The following GRIP2 variants were observed in gnomAD, a reference collection of about 807,000 sequenced individuals.
GRIP2 encodes the protein glutamate receptor-interacting protein 2.
A neutral mutation model predicts 108.3 loss-of-function variants in GRIP2; 58 were observed. The ratio of observed to expected loss-of-function variants is 0.54; its 90% CI spans 0.43 to 0.67. The LOEUF (loss-of-function observed/expected upper bound fraction) is 0.67, where lower values mean the gene tolerates loss of function less well. GRIP2 is among the 30% of genes least tolerant of loss of function. The probability of loss-of-function intolerance (pLI) is 0.00; values close to 1 mark genes in which losing one functional copy is unlikely to be tolerated. For missense variants in GRIP2, 1,278 were observed against 1,430.6 expected, an observed-to-expected ratio of 0.89 and a Z score of 1.72; for synonymous variants, 586 against 598.2, an observed-to-expected ratio of 0.98 and a Z score of 0.30.
At position 14,507,685 on chromosome 3, in the gene GRIP2, G is replaced by A. The variant is rs528291157; in HGVS notation, c.2094C>T (p.His698=). 19 of 1,613,876 alleles carry A rather than the reference G, an allele frequency of 1.2e-5. No individual in the cohort carries two copies. The highest frequency in any genetic ancestry group is 1.1e-4 in the East Asian group (5 of 44,892). The change falls in exon 18 of 24, where the codon CAC becomes CAT. Residue 698 remains histidine, a synonymous_variant. Coordinates refer to ENST00000621039, the MANE Select transcript of GRIP2 (RefSeq NM_001080423.4). This position sits in a 1 kb window ranked among gnomAD's most constrained non-coding sequence, Gnocchi z 4.6. ...TGATGGCCAGAATGCGGTCCCCCAC[G>A]TGGATGGCACCAGTCCTGAGGAGTG... The part of the protein sequence containing the change: ...RGLAERTGAI[H]VGDRILAINN...
chr3:14,542,398 C>A (rs139727329), upstream of GRIP2, among the ~76,000 whole-genome samples: 4 of 152,096 alleles, frequency 2.6e-5, no homozygotes, highest in African/African-American at 9.7e-5. Flanking sequence ...TGCTCCTTCT[C>A]AAAACAAAAT....
At chr3:14,554,639 C>T (rs1005406286) in intron 1 of GRIP2, among the ~76,000 whole-genome samples, 4 of 152,132 alleles carry the variant, frequency 2.6e-5, no homozygotes, top group African/African-American at 7.2e-5. Flanking sequence ...CCCTCTGCTG[C>T]CCCACGGACA....
chr3:14,581,240 C>T, the GRIP2 span, among the ~76,000 whole-genome samples: 13 of 152,358 alleles, frequency 8.5e-5, no homozygotes, highest in African/African-American at 2.2e-4. Context: ...TGAACTGAGG[C>T]TCCCACAGTG....
chr3:14,579,938 T>C, the GRIP2 span, among the ~76,000 whole-genome samples: 4 of 152,196 alleles, frequency 2.6e-5, no homozygotes, highest in African/African-American at 4.8e-5. Flanking sequence ...CTCGGTGCCA[T>C]ACGGGGTGGG....
At chr3:14,590,845 C>T in the GRIP2 span, among the ~76,000 whole-genome samples, 2 of 152,168 alleles carry the variant, frequency 1.3e-5, no homozygotes, top group African/African-American at 4.8e-5. Flanking sequence ...AAAATGCAAA[C>T]CCAGGGTTGC....
At chr3:14,557,253 T>A (rs146079147), upstream of GRIP2, among the ~76,000 whole-genome samples, 1 of 152,244 alleles carries the variant, frequency 6.6e-6, no homozygotes, top group Non-Finnish European at 1.5e-5. Context: ...TGACCAGTAA[T>A]AAAAATGAAT....
At chr3:14,514,577 T>G (rs998154932) in intron 11 of GRIP2, 99 bp from the exon 12 acceptor site, 2 of 1,248,154 alleles carry the variant, frequency 1.6e-6, no homozygotes, top group Admixed American at 2.8e-5. Flanking sequence ...GGAGCCAGAG[T>G]GCAAGGAAGT....
At chr3:14,534,155 C>T (rs1295524441) in intron 1 of GRIP2, among the ~76,000 whole-genome samples, 1 of 152,206 alleles carries the variant, frequency 6.6e-6, no homozygotes, top group Non-Finnish European at 1.5e-5. Flanking sequence ...CTCTCTTTCA[C>T]GAACATCCTC....
chr3:14,534,965 G>A (rs11716053), intron 1 of GRIP2, among the ~76,000 whole-genome samples: 7,030 of 152,154 alleles, frequency 0.046, 217 homozygotes, highest in East Asian at 0.15. Context: ...AAAGTCAGCC[G>A]GCTTTGACTG....
chr3:14,566,934 A>AG, the GRIP2 span, among the ~76,000 whole-genome samples: 5 of 152,122 alleles, frequency 3.3e-5, no homozygotes, highest in Non-Finnish European at 5.9e-5. Context: ...AATCAAAGGT[A>AG]GGGTCAACCT....
At chr3:14,592,267 CCTGAGAGG>C in the GRIP2 span, among the ~76,000 whole-genome samples, 3 of 152,264 alleles carry the variant, frequency 2.0e-5, no homozygotes, top group African/African-American at 7.2e-5. Flanking sequence ...GAAGTAAGTG[CCTGAGAGG>C]CTGATGATCC....
intron 1 of GRIP2, among the ~76,000 whole-genome samples, chr3:14,531,932 G>A (rs1372490237): frequency 6.6e-6 from 1 of 151,886 alleles, no homozygotes; most frequent in Non-Finnish European, 1.5e-5. Context: ...TCAGCCCTCC[G>A]GGGCACCTTC....
In GRIP2 at chr3:14,511,360, T is replaced by C. The variant is rs759606299; in HGVS notation, c.1788-50A>G. 4.0e-5 allele frequency: 65 copies of C among 1,613,940 alleles called. No individual in the cohort carries two copies. In the African/African-American group the frequency reaches 8.0e-4, roughly 20 times the overall value. On this transcript the variant is annotated intron_variant, in intron 15 of 23. Coordinates refer to ENST00000621039, the MANE Select transcript of GRIP2 (RefSeq NM_001080423.4). The surrounding 1 kb of genome is among the most constrained non-coding windows in gnomAD (Gnocchi z 4.1). ...ATGGAAGGAGCCTGGTGCATGCAGG[T>C]GCCATACTCACTGCTGTTGGCCACT...
the GRIP2 span, among the ~76,000 whole-genome samples, chr3:14,600,553 C>G: frequency 2.6e-5 from 4 of 152,268 alleles, no homozygotes; most frequent in African/African-American, 7.2e-5. Context: ...TTCAAAACAT[C>G]CCTCCCGCTG....
chr3:14,523,485 T>C (rs550864541), intron 5 of GRIP2, 127 bp downstream of exon 5: 3 of 695,872 alleles, frequency 4.3e-6, no homozygotes, highest in South Asian at 1.7e-5. Flanking sequence ...ACCTTAACGG[T>C]CCTGTGTTCT....
At chr3:14,547,304 G>A (rs1039625835) in intron 1 of GRIP2, among the ~76,000 whole-genome samples, 1 of 152,212 alleles carries the variant, frequency 6.6e-6, no homozygotes, top group African/African-American at 2.4e-5. Flanking sequence ...TATCTATGCT[G>A]CAAGGGCACA....
upstream of GRIP2, among the ~76,000 whole-genome samples, chr3:14,544,175 G>A (rs1229957239): frequency 6.6e-6 from 1 of 152,180 alleles, no homozygotes; most frequent in East Asian, 1.9e-4. Context: ...CTTGTGAGGA[G>A]TGAGGATCAG....
the GRIP2 span, among the ~76,000 whole-genome samples, chr3:14,575,142 G>A: frequency 2.0e-5 from 3 of 152,146 alleles, no homozygotes; most frequent in South Asian, 6.2e-4. Context: ...AACCAGAGTG[G>A]TTATAAGTGT....
chr3:14,511,367 C>A lies in GRIP2; in HGVS notation c.1787+46G>T, dbSNP rs369271921. The stretch of plus-strand genomic sequence containing the variant: ...GAGCCTGGTGCATGCAGGTGCCATA[C>A]TCACTGCTGTTGGCCACTTCCCTTC... On this transcript the variant is annotated intron_variant, in intron 15 of 23. Coordinates refer to ENST00000621039, the MANE Select transcript of GRIP2 (RefSeq NM_001080423.4). The surrounding 1 kb of genome is among the most constrained non-coding windows in gnomAD (Gnocchi z 4.1). 329 of 1,613,940 alleles carry A rather than the reference C, an allele frequency of 2.0e-4. No homozygotes were observed. Among genetic ancestry groups the A allele is most frequent in the Non-Finnish European group, 2.6e-4 (302 of 1,179,804 alleles).
Sources: gnomAD v4.1 joint callset for allele counts (sites outside exome capture counted in the v4.1 genomes callset) on GRCh38, gnomAD v4.1.1 for gene constraint, Gnocchi (gnomAD v3.1) non-coding constraint, MANE v1.5 for transcripts, NCBI Gene and HGNC (gene_info 2026-07-23, HGNC 2026-07-21) for gene names.